Variants in SEMA3C observed in about 807,000 individuals in gnomAD.
The protein encoded by SEMA3C is semaphorin 3C.
Under a neutral mutation model 89.4 loss-of-function variants are expected in SEMA3C, and 47 were observed. That is an observed-to-expected ratio of 0.53 (90% confidence interval 0.42 to 0.67). The LOEUF (loss-of-function observed/expected upper bound fraction) is 0.67. Among genes scored for constraint, SEMA3C ranks in the 30% least tolerant of loss-of-function variants. The pLI is 0.00. For synonymous variants in SEMA3C, 310 were observed against 320.2 expected (o/e 0.97, Z 0.34); for missense variants, 839 against 929.1 (o/e 0.90, Z 1.26).
rs780787768 is a variant in SEMA3C at position 80,804,187 on chromosome 7, C to T, written c.720G>A (p.Val240=). ...TCAGTTTTTCTTTGAAGAAGAAGTA[C>T]ACCTTAGCATCATTTGGATCAGTAC... ...PDGTDPNDAK[V]YFFFKEKLTD... Residue 240 remains valine, a synonymous_variant, in exon 8 of 18, where the codon GTG becomes GTA. Coordinates refer to ENST00000265361, the MANE Select transcript of SEMA3C (RefSeq NM_006379.5). 2 of 1,612,718 alleles carry T rather than the reference C, an allele frequency of 1.2e-6. No homozygotes were observed. The highest frequency in any genetic ancestry group is 1.7e-6 in the Non-Finnish European group (2 of 1,179,100).
At chr7:80,891,205 T>C (rs917509583) in intron 2 of SEMA3C, among the ~76,000 whole-genome samples, 7 of 152,202 alleles carry the variant, frequency 4.6e-5, no homozygotes. Context: ...ATTTACTGAT[T>C]GTCCATAAGT....
chr7:80,850,477 C>G (rs1259057042), intron 2 of SEMA3C, among the ~76,000 whole-genome samples: 1 of 152,080 alleles, frequency 6.6e-6, no homozygotes, highest in Non-Finnish European at 1.5e-5. Context: ...GTGAATCTCT[C>G]AAGACATTAA....
intron 2 of SEMA3C, among the ~76,000 whole-genome samples, chr7:80,829,397 A>G (rs1308419141): frequency 1.3e-5 from 2 of 152,168 alleles, no homozygotes; most frequent in Admixed American, 6.5e-5. Flanking sequence ...AACAAAACCA[A>G]CAGCAGTGTG....
chr7:80,892,478 G>C (rs1004734593), intron 2 of SEMA3C, among the ~76,000 whole-genome samples: 3 of 151,792 alleles, frequency 2.0e-5, no homozygotes, highest in Non-Finnish European at 4.4e-5. Context: ...TCTGTAAAAT[G>C]AAACAAAAGT....
chr7:80,764,624 C>T (rs1788256032), intron 13 of SEMA3C, among the ~76,000 whole-genome samples: 2 of 151,762 alleles, frequency 1.3e-5, no homozygotes, highest in Admixed American at 1.3e-4. Flanking sequence ...GAGAATAATA[C>T]AATGAAATCT....
In SEMA3C at chr7:80,744,994, C is replaced by T; in HGVS notation, c.2156G>A (p.Gly719Glu). The T allele has an allele frequency of 1.2e-6, 2 of 1,614,068 alleles. No homozygotes were observed. Among genetic ancestry groups the T allele is most frequent in the Non-Finnish European group, 1.7e-6 (2 of 1,179,966 alleles). The change falls in exon 18 of 18, where the codon GGA (glycine) becomes GAA (glutamate). Residue 719 changes from glycine to glutamate, a missense_variant. Physicochemically the swap from Gly to Glu is moderately conservative, Grantham distance 98. Coordinates refer to ENST00000265361, the MANE Select transcript of SEMA3C (RefSeq NM_006379.5). ...CKDTRQQHQQ[G>E]DESQKMRGDY... The stretch of plus-strand genomic sequence containing the variant: ...CCCTCTCATTTTCTGTGATTCATCT[C>T]CCTGCTGATGTTGCTGCCGAGTGTC...
chr7:80,799,879 C>T (rs1789156726), intron 10 of SEMA3C, among the ~76,000 whole-genome samples: 1 of 141,932 alleles, frequency 7.0e-6, no homozygotes, highest in African/African-American at 2.6e-5. Context: ...TGGCCGGGCG[C>T]AGTGGCTCAT....
chr7:80,853,892 A>ATATGTGTG (rs556139546), intron 2 of SEMA3C, among the ~76,000 whole-genome samples: 6 of 148,862 alleles, frequency 4.0e-5, no homozygotes, highest in Admixed American at 1.3e-4. Context: ...CCCCATATAT[A>ATATGTGTG]TGTGTGTGTG....
chr7:80,843,322 TTATC>T (rs771945806), intron 2 of SEMA3C, among the ~76,000 whole-genome samples: 45 of 152,184 alleles, frequency 3.0e-4, no homozygotes, highest in Non-Finnish European at 5.6e-4. Flanking sequence ...ACTCTATGTA[TTATC>T]TATCAATTAA....
chr7:80,774,926 G>T (rs1005757232), intron 12 of SEMA3C, among the ~76,000 whole-genome samples: 14 of 151,996 alleles, frequency 9.2e-5, no homozygotes, highest in African/African-American at 3.4e-4. Context: ...TATGTAAACT[G>T]CTGAAAACAA....
intron 2 of SEMA3C, among the ~76,000 whole-genome samples, chr7:80,902,056 G>A (rs979425719): frequency 1.3e-5 from 2 of 152,180 alleles, no homozygotes; most frequent in Non-Finnish European, 2.9e-5. Flanking sequence ...AGGCTCAAGT[G>A]ATCCTCCTAC....
At position 80,744,987 on chromosome 7, in the gene SEMA3C, T is replaced by C; in HGVS notation, c.2163A>G (p.Glu721=). The C allele has an allele frequency of 1.9e-6, 3 of 1,614,144 alleles. No homozygotes were observed. The highest frequency in any genetic ancestry group is 2.5e-6 in the Non-Finnish European group (3 of 1,179,980). The change falls in exon 18 of 18, where the codon GAA becomes GAG. Residue 721 remains glutamate, a synonymous_variant. Coordinates refer to ENST00000265361, the MANE Select transcript of SEMA3C (RefSeq NM_006379.5). ...CATAGTCCCCTCTCATTTTCTGTGATTCATCTCCCTGCTGATGTTGCTGCC... is the reference window on the plus strand; with the variant it reads ...CATAGTCCCCTCTCATTTTCTGTGACTCATCTCCCTGCTGATGTTGCTGCC... ...DTRQQHQQGD[E]SQKMRGDYGK...
chr7:80,884,426 TTAGA>T (rs1791424532), intron 2 of SEMA3C, among the ~76,000 whole-genome samples: 1 of 152,164 alleles, frequency 6.6e-6, no homozygotes, highest in South Asian at 2.1e-4. Context: ...TTATCAAACA[TTAGA>T]TACTCTGTAA....
intron 2 of SEMA3C, among the ~76,000 whole-genome samples, chr7:80,834,414 A>G (rs1046223014): frequency 1.3e-5 from 2 of 152,186 alleles, no homozygotes; most frequent in Non-Finnish European, 2.9e-5. Context: ...GAAGAACAAT[A>G]GGTTTCCCCA....
chr7:80,784,500 G>A (rs1452535133), intron 12 of SEMA3C, among the ~76,000 whole-genome samples: 3 of 151,584 alleles, frequency 2.0e-5, no homozygotes, highest in Admixed American at 1.3e-4. Context: ...TATTAATTTT[G>A]GGCAACATAA....
chr7:80,832,800 G>A (rs73372975), intron 2 of SEMA3C, among the ~76,000 whole-genome samples: 2,910 of 152,174 alleles, frequency 0.019, 97 homozygotes, highest in African/African-American at 0.066. Flanking sequence ...CATTATTACT[G>A]GAATATTCTG....
chr7:80,758,230 A>AT, intron 15 of SEMA3C, 101 bp downstream of exon 15: 1 of 1,309,252 alleles, frequency 7.6e-7, no homozygotes, highest in Non-Finnish European at 1.1e-6. Context: ...CTTTAATGTC[A>AT]TTTAAGGAAA....
intron 2 of SEMA3C, among the ~76,000 whole-genome samples, chr7:80,894,750 T>C (rs1199297902): frequency 2.0e-5 from 3 of 152,188 alleles, no homozygotes; most frequent in African/African-American, 7.2e-5. Context: ...TAATGCCTGA[T>C]TGGACCCACT....
intron 7 of SEMA3C, 116 bp from the exon 8 acceptor site, chr7:80,804,364 C>T: frequency 1.7e-6 from 1 of 573,090 alleles, no homozygotes; most frequent in Non-Finnish European, 2.8e-6. Flanking sequence ...AACAATTCAA[C>T]ATTTACAGGC....
Sources: allele counts gnomAD v4.1 joint callset (sites outside exome capture counted in the v4.1 genomes callset), GRCh38; gene constraint gnomAD v4.1.1; transcripts MANE v1.5; gene names NCBI Gene and HGNC (gene_info 2026-07-23, HGNC 2026-07-21).